The following KCNIP4 variants were observed in gnomAD, a reference collection of about 807,000 sequenced individuals.
KCNIP4 encodes the protein potassium voltage-gated channel interacting protein 4, also known as Kv channel-interacting protein 4.
KCNIP4 carries 12 observed loss-of-function variants against 34.0 expected under a neutral mutation model. The observed-to-expected ratio is 0.35, with a 90% CI of 0.23 to 0.57. The LOEUF (loss-of-function observed/expected upper bound fraction) is 0.57, where lower values mean the gene tolerates loss of function less well. Among genes scored for constraint, KCNIP4 ranks in the 20% least tolerant of loss-of-function variants. The probability of loss-of-function intolerance (pLI) is 0.83; values close to 1 mark genes in which losing one functional copy is unlikely to be tolerated. For missense variants in KCNIP4, 238 were observed against 311.7 expected, an observed-to-expected ratio of 0.76 and a Z score of 1.78; for synonymous variants, 124 against 102.2, an observed-to-expected ratio of 1.21 and a Z score of -1.29.
chr4:20,729,891 T>G lies in KCNIP4; in HGVS notation c.*191A>C. ...GACCATCCCCTGAACTCAGTGGCAT[T>G]ATGAAAAGGATGCAAATTTATAACT... On this transcript the variant is annotated 3_prime_UTR_variant, in exon 9 of 9. Transcript: ENST00000382152. The G allele has an allele frequency of 1.9e-6, 1 of 528,666 alleles. No individual in the cohort carries two copies. Among genetic ancestry groups the G allele is most frequent in the Non-Finnish European group, 3.2e-6 (1 of 317,258 alleles). The allele number at this position is 528,666 out of a possible 1,614,324, so 32.7% of individuals were successfully genotyped here.
chr4:20,773,622 T>C (rs1236049181), intron 3 of KCNIP4, among the ~76,000 whole-genome samples: 2 of 152,208 alleles, frequency 1.3e-5, no homozygotes, highest in African/African-American at 2.4e-5. Context: ...CCATGATAGC[T>C]AGAAAAGCGA....
intron 3 of KCNIP4, among the ~76,000 whole-genome samples, chr4:20,808,279 C>T (rs1715321623): frequency 6.6e-6 from 1 of 152,062 alleles, no homozygotes; most frequent in African/African-American, 2.4e-5. Context: ...ATATGAATAA[C>T]AACATTTAAG....
intron 1 of KCNIP4, among the ~76,000 whole-genome samples, chr4:21,588,937 C>T (rs73252290): frequency 0.068 from 10,245 of 151,162 alleles, 510 homozygotes; most frequent in African/African-American, 0.14. Flanking sequence ...GAACTAATCA[C>T]CTTTTCATCC....
chr4:21,682,698 C>T (rs1243724498), intron 1 of KCNIP4, among the ~76,000 whole-genome samples: 1 of 151,922 alleles, frequency 6.6e-6, no homozygotes, highest in Non-Finnish European at 1.5e-5. Flanking sequence ...CACTTAGAGG[C>T]CATTAAAAAG....
chr4:20,864,391 G>A (rs1490797970), intron 2 of KCNIP4, among the ~76,000 whole-genome samples: 1 of 150,232 alleles, frequency 6.7e-6, no homozygotes, highest in East Asian at 2.0e-4. Flanking sequence ...ATATATACAT[G>A]TTATATATAT....
chr4:21,643,544 C>A (rs1177416502), intron 1 of KCNIP4, among the ~76,000 whole-genome samples: 1 of 151,934 alleles, frequency 6.6e-6, no homozygotes, highest in Non-Finnish European at 1.5e-5. Context: ...AATATTTGGC[C>A]AAATATTATT....
At chr4:21,073,535 GGC>G (rs1745178258) in intron 1 of KCNIP4, among the ~76,000 whole-genome samples, 19 of 152,050 alleles carry the variant, frequency 1.2e-4, no homozygotes, top group South Asian at 4.1e-4. Flanking sequence ...GGAGATTTTG[GGC>G]TGAGACAATG....
At chr4:21,075,082 T>G (rs1226623440) in intron 1 of KCNIP4, among the ~76,000 whole-genome samples, 2 of 152,152 alleles carry the variant, frequency 1.3e-5, no homozygotes, top group Non-Finnish European at 2.9e-5. Context: ...TTGGAATAAG[T>G]GTGATGTGGT....
chr4:21,844,146 G>T (rs1723858578), intron 1 of KCNIP4: 3 of 152,006 alleles, frequency 2.0e-5, no homozygotes, highest in African/African-American at 7.2e-5. Flanking sequence ...ATGCATTGAA[G>T]AAACTCACAG....
chr4:21,269,688 C>T (rs1225309013), intron 1 of KCNIP4, among the ~76,000 whole-genome samples: 1 of 152,166 alleles, frequency 6.6e-6, no homozygotes, highest in East Asian at 1.9e-4. Context: ...AGCCACTGCG[C>T]CCGCCCCAGC....
At chr4:20,780,784 G>A (rs1756803425) in intron 3 of KCNIP4, among the ~76,000 whole-genome samples, 1 of 152,190 alleles carries the variant, frequency 6.6e-6, no homozygotes, top group Non-Finnish European at 1.5e-5. Context: ...TACACTGTTG[G>A]AGCCTTGATC....
At chr4:21,332,738 C>G (rs1715783830) in intron 1 of KCNIP4, among the ~76,000 whole-genome samples, 1 of 151,930 alleles carries the variant, frequency 6.6e-6, no homozygotes, top group East Asian at 1.9e-4. Flanking sequence ...GTGTTTAGTA[C>G]TGAAACAACT....
At chr4:21,435,282 C>G (rs911362157) in intron 1 of KCNIP4, among the ~76,000 whole-genome samples, 1 of 152,080 alleles carries the variant, frequency 6.6e-6, no homozygotes, top group Non-Finnish European at 1.5e-5. Flanking sequence ...GTGGGTGAAG[C>G]TTTTTAAAAG....
chr4:21,312,363 A>G (rs1035206380), intron 1 of KCNIP4, among the ~76,000 whole-genome samples: 5 of 152,190 alleles, frequency 3.3e-5, no homozygotes, highest in African/African-American at 1.2e-4. Flanking sequence ...TTCTCATTTC[A>G]TAGGTCTTAG....
intron 1 of KCNIP4, among the ~76,000 whole-genome samples, chr4:20,973,355 G>A (rs987433478): frequency 1.3e-5 from 2 of 152,150 alleles, no homozygotes; most frequent in African/African-American, 4.8e-5. Flanking sequence ...CTTTTCTTCT[G>A]TAGCTTCCTT....
intron 1 of KCNIP4, among the ~76,000 whole-genome samples, chr4:20,908,203 G>T (rs1217134187): frequency 6.6e-6 from 1 of 151,088 alleles, no homozygotes; most frequent in African/African-American, 2.4e-5. Context: ...GGGTTCAAGC[G>T]ATTCTCCTGC....
chr4:20,882,448 T>G (rs1036862446), intron 2 of KCNIP4, among the ~76,000 whole-genome samples, 160 bp downstream of exon 2: 11 of 152,158 alleles, frequency 7.2e-5, no homozygotes, highest in African/African-American at 2.7e-4. Flanking sequence ...GACTCCTAAT[T>G]GCCCAAATGT....
intron 1 of KCNIP4, among the ~76,000 whole-genome samples, chr4:21,244,749 T>G (rs1274231025): frequency 6.6e-6 from 1 of 152,190 alleles, no homozygotes; most frequent in African/African-American, 2.4e-5. Context: ...TTAGAACAAA[T>G]GCTTTATTAA....
At chr4:21,745,504 C>A (rs1231507566) in intron 1 of KCNIP4, among the ~76,000 whole-genome samples, 1 of 152,092 alleles carries the variant, frequency 6.6e-6, no homozygotes, top group Non-Finnish European at 1.5e-5. Flanking sequence ...GCATAAAAAT[C>A]TTAAATTAAA....
Sources: gnomAD v4.1 joint callset for allele counts (sites outside exome capture counted in the v4.1 genomes callset) on GRCh38, gnomAD v4.1.1 for gene constraint, MANE v1.5 for transcripts, NCBI Gene and HGNC (gene_info 2026-07-23, HGNC 2026-07-21) for gene names.